The following POLR1A variants were observed in gnomAD, a reference collection of about 807,000 sequenced individuals.
POLR1A encodes the protein DNA-directed RNA polymerase I subunit RPA1.
A neutral mutation model predicts 205.3 loss-of-function variants in POLR1A; 84 were observed. That is an observed-to-expected ratio of 0.41 (90% CI 0.34 to 0.49). The LOEUF (loss-of-function observed/expected upper bound fraction) is 0.49, where lower values mean the gene tolerates loss of function less well. POLR1A is among the 20% of genes least tolerant of loss of function. The pLI, the probability that POLR1A is intolerant of heterozygous loss-of-function variation, is 0.22. For missense variants in POLR1A, 1,645 were observed against 2,204.5 expected (o/e 0.75, Z 5.08); for synonymous variants, 799 against 863.7 (o/e 0.93, Z 1.31).
At chr2:86,050,029 T>C (rs1054998727) in intron 16 of POLR1A, among the ~76,000 whole-genome samples, 4 of 152,118 alleles carry the variant, frequency 2.6e-5, no homozygotes, top group African/African-American at 9.7e-5. Context: ...GTGATTCTCC[T>C]GCCTCAGCCT....
chr2:86,038,910 C>T (rs780097767), intron 26 of POLR1A, 53 bp from the exon 27 acceptor site: 404 of 1,554,332 alleles, frequency 2.6e-4, no homozygotes, highest in South Asian at 3.6e-4. Context: ...TAGGTGACTG[C>T]GCAATGTGAG....
rs142266408 is a variant in POLR1A, at chr2:86,075,130, C to A, written c.1511G>T (p.Arg504Leu). The part of the protein sequence containing the change: ...ASMVINEDGS[R>L]TALSAVDMTQ... ...CATGTCCACAGCGCTCAGGGCTGTG[C>A]GGCTGCCGTCCTCATTGATGACCAT... is the stretch of plus-strand genomic sequence containing the variant. The change falls in exon 12 of 34, where the codon CGC becomes CTC. Residue 504 changes from arginine to leucine, a missense_variant. Physicochemically the swap from Arg to Leu is moderately radical, Grantham distance 102. Around this residue, in one of 16 missense-constraint regions of POLR1A, gnomAD observed 131 missense variants for 214.5 expected, o/e 0.61. Coordinates refer to ENST00000263857, the MANE Select transcript of POLR1A (RefSeq NM_015425.6). 1.2e-6 allele frequency: 2 copies of A among 1,613,194 alleles called. No individual in the cohort carries two copies. The highest frequency in any genetic ancestry group is 2.2e-5 in the East Asian group (1 of 44,886).
chr2:86,104,849 T>C (rs1372429088), intron 1 of POLR1A, among the ~76,000 whole-genome samples: 3 of 152,220 alleles, frequency 2.0e-5, no homozygotes, highest in Non-Finnish European at 4.4e-5. Context: ...GCTGAACAAA[T>C]GGGTCTGAAA....
chr2:86,083,840 AAT>A (rs2104424301), intron 6 of POLR1A, among the ~76,000 whole-genome samples: 1 of 152,352 alleles, frequency 6.6e-6, no homozygotes, highest in South Asian at 2.1e-4. Flanking sequence ...GTGTGTGAGG[AAT>A]AGATTGGGCT....
At chr2:86,065,216 T>C (rs1334460206) in intron 14 of POLR1A, 58 bp downstream of exon 14, 10 of 1,461,240 alleles carry the variant, frequency 6.8e-6, no homozygotes, top group East Asian at 2.3e-5. Context: ...AATAAAACCT[T>C]TTACATGAGT....
chr2:86,073,487 C>G (rs1422270096), intron 12 of POLR1A, among the ~76,000 whole-genome samples: 1 of 152,218 alleles, frequency 6.6e-6, no homozygotes, highest in Non-Finnish European at 1.5e-5. Flanking sequence ...TCAGTCCCCT[C>G]TTTAGCCCTG....
At chr2:86,064,856 C>T (rs965032362) in intron 14 of POLR1A, among the ~76,000 whole-genome samples, 8 of 151,590 alleles carry the variant, frequency 5.3e-5, no homozygotes, top group African/African-American at 9.7e-5. Flanking sequence ...TGGGTTCAAG[C>T]GATTCTCTTG....
At chr2:86,078,707 G>C (rs1291323536) in intron 9 of POLR1A, among the ~76,000 whole-genome samples, 1 of 152,074 alleles carries the variant, frequency 6.6e-6, no homozygotes, top group Non-Finnish European at 1.5e-5. Flanking sequence ...TGAAAAACTT[G>C]ATCCAAACCA....
intron 12 of POLR1A, among the ~76,000 whole-genome samples, chr2:86,074,593 T>C (rs912578771): frequency 1.3e-5 from 2 of 152,236 alleles, no homozygotes; most frequent in Non-Finnish European, 2.9e-5. Flanking sequence ...CATTAGCAAT[T>C]GCCCAAAATG....
intron 9 of POLR1A, among the ~76,000 whole-genome samples, chr2:86,080,456 C>T (rs796066833): frequency 1.2e-4 from 18 of 152,286 alleles, no homozygotes; most frequent in African/African-American, 4.3e-4. Context: ...GGGAAGTAGG[C>T]TATTCTTTCT....
intron 21 of POLR1A, among the ~76,000 whole-genome samples, chr2:86,045,041 C>T (rs1382909054): frequency 2.6e-5 from 4 of 152,218 alleles, no homozygotes; most frequent in Admixed American, 2.6e-4. Flanking sequence ...TAGCTTCCCC[C>T]AGGGAATGGC....
At chr2:86,055,773 G>C (rs1422115393) in intron 14 of POLR1A, among the ~76,000 whole-genome samples, 1 of 152,172 alleles carries the variant, frequency 6.6e-6, no homozygotes, top group Non-Finnish European at 1.5e-5. Context: ...ACTAGGAACA[G>C]ACTGTCACCA....
At chr2:86,105,577 G>T in intron 1 of POLR1A, 123 bp downstream of exon 1, 1 of 653,338 alleles carries the variant, frequency 1.5e-6, no homozygotes, top group Admixed American at 2.7e-5. Flanking sequence ...GCTCCCAGCA[G>T]GACAAGCGCC....
chr2:86,040,682 T>C, intron 24 of POLR1A, 123 bp from the exon 25 acceptor site: 1 of 715,354 alleles, frequency 1.4e-6, no homozygotes, highest in Non-Finnish European at 2.2e-6. Flanking sequence ...GGACTCGTTT[T>C]TCCTAGGCAA....
At chr2:86,077,235 T>G (rs1673302902) in intron 11 of POLR1A, among the ~76,000 whole-genome samples, 1 of 152,196 alleles carries the variant, frequency 6.6e-6, no homozygotes, top group Non-Finnish European at 1.5e-5. Context: ...CTGCTGCTGC[T>G]GAGCACCACA....
In POLR1A at chr2:86,028,901, G is replaced by T; in HGVS notation, c.4780-190C>A. 1.7e-6 allele frequency: 1 copy of T among 578,496 alleles called. No individual in the cohort carries two copies. Among genetic ancestry groups the T allele is most frequent in the Non-Finnish European group, 3.1e-6 (1 of 319,902 alleles). The allele number at this position is 578,496 out of a possible 1,614,324, so 35.8% of individuals were successfully genotyped here. A position where few individuals can be genotyped will look rare whatever the true frequency, so the allele number is the denominator to read the frequency against. On this transcript the variant is annotated intron_variant, in intron 31 of 33. Coordinates refer to ENST00000263857, the MANE Select transcript of POLR1A (RefSeq NM_015425.6). This position sits in a 1 kb window ranked among gnomAD's most constrained non-coding sequence, Gnocchi z 4.5. Reference sequence around the variant, plus strand: ...TAGGCAGAGCTGCTGACGGCTCGCTGGCCGGGGCCCAAGGTCTGTATCGTC... The same window carrying T: ...TAGGCAGAGCTGCTGACGGCTCGCTTGCCGGGGCCCAAGGTCTGTATCGTC...
At chr2:86,057,648 T>C (rs1672919595) in intron 14 of POLR1A, among the ~76,000 whole-genome samples, 1 of 152,190 alleles carries the variant, frequency 6.6e-6, no homozygotes, top group Non-Finnish European at 1.5e-5. Context: ...TACTATTACA[T>C]ACTAAAAAAT....
Position 86,088,686 on chromosome 2 carries a change from T to C in POLR1A, c.627-17A>G. 1 of 1,609,316 alleles carries C rather than the reference T, an allele frequency of 6.2e-7. No homozygotes were observed. Among genetic ancestry groups the C allele is most frequent in the Non-Finnish European group, 8.5e-7 (1 of 1,175,668 alleles). ...CGCCCGGTCCTGTGCAGGAGGACAG[T>C]TGTGATTGAAGAGAGAAAAAACCCA... On this transcript the variant is annotated splice_polypyrimidine_tract_variant and intron_variant, in intron 5 of 33. Coordinates refer to ENST00000263857, the MANE Select transcript of POLR1A (RefSeq NM_015425.6).
At chr2:86,094,201 T>C (rs1673660930) in intron 3 of POLR1A, among the ~76,000 whole-genome samples, 1 of 152,328 alleles carries the variant, frequency 6.6e-6, no homozygotes, top group Admixed American at 6.5e-5. Flanking sequence ...TATGTGTGTG[T>C]ATGGGAGGGA....
Sources: allele counts gnomAD v4.1 joint callset (sites outside exome capture counted in the v4.1 genomes callset), GRCh38; gene constraint gnomAD v4.1.1; regional missense constraint gnomAD v4.1.1; non-coding constraint Gnocchi (gnomAD v3.1); transcripts MANE v1.5; gene names NCBI Gene and HGNC (gene_info 2026-07-23, HGNC 2026-07-21).